UBE2V1: variants seen among roughly 807,000 people sequenced by gnomAD.
The protein encoded by UBE2V1 is ubiquitin-conjugating enzyme E2 variant 1.
A neutral mutation model predicts 19.6 loss-of-function variants in UBE2V1; 15 were observed. The ratio of observed to expected loss-of-function variants is 0.77; its 90% confidence interval spans 0.51 to 1.18. The LOEUF is 1.18. Among genes scored for constraint, UBE2V1 ranks in the 50% most tolerant of loss-of-function variants. The pLI, the probability that UBE2V1 is intolerant of heterozygous loss-of-function variation, is 0.00. For synonymous variants in UBE2V1, 60 were observed against 60.7 expected (o/e 0.99, Z 0.05); for missense variants, 125 against 184.8 (o/e 0.68, Z 1.88).
chr20:50,099,837 C>T (rs185754838), intron 1 of UBE2V1, among the ~76,000 whole-genome samples: 188 of 152,326 alleles, frequency 1.2e-3, no homozygotes, highest in Non-Finnish European at 2.0e-3. Flanking sequence ...TATGGCAGCT[C>T]ACACCTGTAA....
rs1046652880 is a variant in UBE2V1 at position 50,105,020 on chromosome 20, C to A, written c.22+8087G>T. The stretch of plus-strand genomic sequence containing the variant: ...GGGATTACAGGCATGAGCCACCACA[C>A]CCAGCCTAGTTTTATTTTTAATAAA... On this transcript the variant is annotated intron_variant, in intron 1 of 3. Coordinates refer to ENST00000371674, the MANE Select transcript of UBE2V1 (RefSeq NM_001032288.3). Among the ~76,000 whole-genome samples the A allele has an allele frequency of 3.9e-5, 6 of 152,322 alleles. No homozygotes were observed. The South Asian group carries it at 1.0e-3, about 26-fold the overall frequency.
intron 1 of UBE2V1, among the ~76,000 whole-genome samples, chr20:50,107,206 C>T (rs892046302): frequency 3.9e-5 from 6 of 152,320 alleles, no homozygotes; most frequent in South Asian, 2.1e-4. Context: ...CAGACCTCAT[C>T]GCAAACTCGC....
rs2078660555 is a variant in UBE2V1 at position 50,081,941 on chromosome 20, C to T, written c.*827G>A. ...AGAGTGAGTGAGTATGGTTCCAAAA[C>T]TAAACAAGGGAGGTCAGAGGCTCTT... On this transcript the variant is annotated 3_prime_UTR_variant, in exon 4 of 4. Coordinates refer to ENST00000371674, the MANE Select transcript of UBE2V1 (RefSeq NM_001032288.3). 1 of 247,724 alleles carries T rather than the reference C, an allele frequency of 4.0e-6. No individual in the cohort carries two copies. Among genetic ancestry groups the T allele is most frequent in the Non-Finnish European group, 7.7e-6 (1 of 130,048 alleles). 15.3% of individuals were successfully genotyped at this position (247,724 alleles called of 1,614,324 possible). A position where few individuals can be genotyped will look rare whatever the true frequency, so the allele number is the denominator to read the frequency against.
At chr20:50,109,440 G>C (rs1037966189) in intron 1 of UBE2V1, among the ~76,000 whole-genome samples, 2 of 151,944 alleles carry the variant, frequency 1.3e-5, no homozygotes, top group Non-Finnish European at 2.9e-5. Flanking sequence ...AATTAACCTT[G>C]GTAATCCCTT....
chr20:50,108,430 G>A (rs1268016432), intron 1 of UBE2V1, among the ~76,000 whole-genome samples: 1 of 152,186 alleles, frequency 6.6e-6, no homozygotes, highest in Non-Finnish European at 1.5e-5. Flanking sequence ...GAAGATGCTT[G>A]CGAGGCCTAC....
At chr20:50,086,998 A>G (rs2078952992) in intron 2 of UBE2V1, among the ~76,000 whole-genome samples, 1 of 152,036 alleles carries the variant, frequency 6.6e-6, no homozygotes, top group Admixed American at 6.6e-5. Context: ...AATGGCACGA[A>G]CCCGGGAGGT....
upstream of UBE2V1, among the ~76,000 whole-genome samples, chr20:50,114,018 C>T (rs1389055986): frequency 6.6e-6 from 1 of 152,040 alleles, no homozygotes; most frequent in East Asian, 1.9e-4. Flanking sequence ...CAGGAAGGGC[C>T]TCCTAAGGTG....
intron 1 of UBE2V1, among the ~76,000 whole-genome samples, chr20:50,110,735 T>A (rs1038785912): frequency 2.6e-5 from 4 of 152,202 alleles, no homozygotes; most frequent in Non-Finnish European, 5.9e-5. Context: ...TGGCTTCCCC[T>A]CATACCATCT....
chr20:50,091,410 C>CTTTTTTT (rs11482128), intron 2 of UBE2V1, among the ~76,000 whole-genome samples: 1 of 112,332 alleles, frequency 8.9e-6, no homozygotes, highest in South Asian at 3.0e-4. Context: ...TAACTTAAGG[C>CTTTTTTT]TTTTTTTTTT....
At chr20:50,106,603 G>A (rs1396538398) in intron 1 of UBE2V1, among the ~76,000 whole-genome samples, 1 of 152,086 alleles carries the variant, frequency 6.6e-6, no homozygotes, top group African/African-American at 2.4e-5. Flanking sequence ...GGCAGAGATG[G>A]GTGGATCACC....
Position 50,096,729 on chromosome 20 carries a change from T to C in UBE2V1, c.114A>G (p.Glu38=), listed in dbSNP as rs1158907264. The part of the protein sequence containing the change: ...VGDGTVSWGL[E]DDEDMTLTRW... ...TTGTAAGTGTCATGTCTTCGTCATC[T>C]TCTAGACCCCAGCTAACTGTGCCAT... is the stretch of plus-strand genomic sequence containing the variant. The change falls in exon 2 of 4, where the codon GAA becomes GAG. Residue 38 remains glutamate (E), a synonymous_variant. Coordinates refer to ENST00000371674, the MANE Select transcript of UBE2V1 (RefSeq NM_001032288.3). The C allele has an allele frequency of 6.2e-7, 1 of 1,614,130 alleles. No homozygotes were observed. Among genetic ancestry groups the C allele is most frequent in the Admixed American group, 1.7e-5 (1 of 60,004 alleles).
At chr20:50,095,682 TC>T (rs2079577827) in intron 2 of UBE2V1, 6 of 152,244 alleles carry the variant, frequency 3.9e-5, no homozygotes, top group Admixed American at 3.9e-4. Context: ...GTTGTCATCA[TC>T]CTTAAACACA....
chr20:50,101,543 G>A (rs1240642694), intron 1 of UBE2V1, among the ~76,000 whole-genome samples: 2 of 103,838 alleles, frequency 1.9e-5, no homozygotes, highest in Non-Finnish European at 3.4e-5. Context: ...TGTTTAATGT[G>A]TATAGAACTG....
Position 50,084,187 on chromosome 20 carries a change from G to C in UBE2V1, c.239C>G (p.Pro80Arg), listed in dbSNP as rs1470174753. ...AATTTTTGTTACAAATCTTACAAAG[G>C]GGGGTGCTTCTGGGTATTTAGGTCC... Reference protein sequence around the residue: ...ECGPKYPEAPPFVRFVTKINM... With the variant: ...ECGPKYPEAPRFVRFVTKINM... The change falls in exon 3 of 4, where the codon CCC becomes CGC. Residue 80 changes from proline to arginine, a missense_variant. By Grantham distance (103) the Pro-to-Arg change is moderately radical. Transcript: ENST00000371674. 1.9e-6 allele frequency: 3 copies of C among 1,609,766 alleles called. No individual in the cohort carries two copies. The highest frequency in any genetic ancestry group is 1.3e-5 in the African/African-American group (1 of 74,484).
At chr20:50,112,908 C>CT (rs1415166782) in intron 1 of UBE2V1, among the ~76,000 whole-genome samples, 199 bp downstream of exon 1, 4 of 152,182 alleles carry the variant, frequency 2.6e-5, no homozygotes, top group Non-Finnish European at 5.9e-5. Flanking sequence ...CGCCCACAGG[C>CT]CCCTCAGCCC....
intron 1 of UBE2V1, among the ~76,000 whole-genome samples, chr20:50,105,519 T>C (rs1445295776): frequency 6.6e-6 from 1 of 152,252 alleles, no homozygotes; most frequent in Non-Finnish European, 1.5e-5. Flanking sequence ...TACTCTAACA[T>C]ATGTTTTGGT....
upstream of UBE2V1, among the ~76,000 whole-genome samples, chr20:50,114,362 A>G (rs896476775): frequency 2.0e-5 from 3 of 152,022 alleles, no homozygotes; most frequent in South Asian, 2.1e-4. Context: ...TCACTTCTCC[A>G]CTCAGGGCAA....
chr20:50,096,423 C>A (rs2079626960), intron 2 of UBE2V1: 5 of 880,516 alleles, frequency 5.7e-6, no homozygotes, highest in Admixed American at 5.5e-5. Flanking sequence ...TGACTTCACA[C>A]CTCACTGTCT....
At chr20:50,094,036 T>TATATTATGTATGTTATATATATA (rs1568988064) in intron 2 of UBE2V1, among the ~76,000 whole-genome samples, 91 of 65,138 alleles carry the variant, frequency 1.4e-3, no homozygotes, top group African/African-American at 7.0e-3. Context: ...AATAATAAAA[T>TATATTATGTATGTTATATATATA]ATATATATAT....
Sources: gnomAD v4.1 joint callset for allele counts (sites outside exome capture counted in the v4.1 genomes callset) on GRCh38, gnomAD v4.1.1 for gene constraint, MANE v1.5 for transcripts, NCBI Gene and HGNC (gene_info 2026-07-23, HGNC 2026-07-21) for gene names.